Variants in DEPDC1B observed in about 807,000 individuals in gnomAD.
DEPDC1B encodes DEP domain-containing protein 1B.
In DEPDC1B, 51 loss-of-function variants were observed where a neutral mutation model predicts 66.5. That is an observed-to-expected ratio of 0.77 (90% CI 0.61 to 0.97). DEPDC1B has a LOEUF of 0.97. Ranked by LOEUF, DEPDC1B falls within the 50% of genes least tolerant of loss-of-function variation. The pLI is 0.00. For synonymous variants in DEPDC1B, 226 were observed against 223.6 expected (o/e 1.01, Z -0.10); for missense variants, 552 against 637.1 (o/e 0.87, Z 1.44).
At chr5:60,642,072 T>C (rs767609384) in intron 6 of DEPDC1B, among the ~76,000 whole-genome samples, 2 of 152,170 alleles carry the variant, frequency 1.3e-5, no homozygotes, top group South Asian at 2.1e-4. Flanking sequence ...GTTAAACCCA[T>C]GTTTTAGGGT....
intron 7 of DEPDC1B, among the ~76,000 whole-genome samples, chr5:60,616,231 G>A (rs551739757): frequency 1.3e-5 from 2 of 152,300 alleles, no homozygotes; most frequent in South Asian, 2.1e-4. Flanking sequence ...AAAAATCAGA[G>A]CACCTCTCCT....
intron 2 of DEPDC1B, among the ~76,000 whole-genome samples, chr5:60,672,549 T>C (rs1754065443): frequency 6.6e-6 from 1 of 152,204 alleles, no homozygotes; most frequent in African/African-American, 2.4e-5. Flanking sequence ...TCCTCCCCCA[T>C]GATCCAATCA....
chr5:60,617,665 G>A (rs148992818), intron 7 of DEPDC1B, among the ~76,000 whole-genome samples: 23 of 152,200 alleles, frequency 1.5e-4, no homozygotes, highest in African/African-American at 4.8e-4. Flanking sequence ...ACTAAGAGAC[G>A]TAGACTCCCA....
At chr5:60,688,008 AC>A (rs1196346909) in intron 1 of DEPDC1B, among the ~76,000 whole-genome samples, 1 of 152,138 alleles carries the variant, frequency 6.6e-6, no homozygotes, top group Admixed American at 6.5e-5. Flanking sequence ...AACTAAGCCC[AC>A]TGTGCAAACT....
intron 2 of DEPDC1B, among the ~76,000 whole-genome samples, chr5:60,685,791 A>C (rs1363190485): frequency 6.6e-6 from 1 of 152,212 alleles, no homozygotes; most frequent in Non-Finnish European, 1.5e-5. Flanking sequence ...GGCATGTAGA[A>C]TCAGGGCTAA....
intron 2 of DEPDC1B, among the ~76,000 whole-genome samples, chr5:60,678,335 T>C (rs968495115): frequency 6.6e-6 from 1 of 152,170 alleles, no homozygotes; most frequent in Non-Finnish European, 1.5e-5. Context: ...GGAAGAATGT[T>C]TAGGTTATTT....
chr5:60,610,303 T>C (rs1160619930), intron 7 of DEPDC1B, among the ~76,000 whole-genome samples: 1 of 152,206 alleles, frequency 6.6e-6, no homozygotes, highest in Non-Finnish European at 1.5e-5. Flanking sequence ...CAAATCAATG[T>C]ACTACACTGG....
chr5:60,627,425 A>T (rs1204367616), intron 7 of DEPDC1B, among the ~76,000 whole-genome samples: 2 of 152,044 alleles, frequency 1.3e-5, no homozygotes, highest in African/African-American at 4.8e-5. Flanking sequence ...GAAGGACATT[A>T]GCATTCTATC....
intron 2 of DEPDC1B, among the ~76,000 whole-genome samples, chr5:60,682,783 T>A (rs1244542356): frequency 6.6e-6 from 1 of 152,146 alleles, no homozygotes; most frequent in Non-Finnish European, 1.5e-5. Flanking sequence ...AGTAACAAGA[T>A]TGAATCACTA....
chr5:60,663,187 C>T lies in DEPDC1B; in HGVS notation c.315-15654G>A. On this transcript the variant is annotated intron_variant, in intron 2 of 10. Coordinates refer to ENST00000265036, the MANE Select transcript of DEPDC1B (RefSeq NM_018369.3). ...TCCTGAAGTCTGGGCAACAAAACGACAATATGGATGAGCAAACAATGCCCG... is the reference window on the plus strand; with the variant it reads ...TCCTGAAGTCTGGGCAACAAAACGATAATATGGATGAGCAAACAATGCCCG... 1.3e-5 allele frequency among the ~76,000 whole-genome samples: 2 copies of T among 152,100 alleles called. 1 individual carries two copies.
intron 2 of DEPDC1B, among the ~76,000 whole-genome samples, chr5:60,670,008 G>T (rs1753991480): frequency 1.3e-5 from 2 of 151,978 alleles, no homozygotes; most frequent in Admixed American, 1.3e-4. Context: ...CCTCACAATA[G>T]GTGGGGTGAA....
chr5:60,644,893 AT>A lies in DEPDC1B; in HGVS notation c.579-19del. On this transcript the variant is annotated intron_variant, in intron 4 of 10. Coordinates refer to ENST00000265036, the MANE Select transcript of DEPDC1B (RefSeq NM_018369.3). ...TCTGTAAGCTAAAAGATAAGTAATT[AT>A]ATTAATTAGTTCTGTCTTTAATATT... 6.4e-7 allele frequency: 1 copy of A among 1,558,000 alleles called. No homozygotes were observed. The highest frequency in any genetic ancestry group is 8.7e-7 in the Non-Finnish European group (1 of 1,143,742).
chr5:60,634,302 T>C (rs369623514), intron 7 of DEPDC1B, among the ~76,000 whole-genome samples: 2 of 152,342 alleles, frequency 1.3e-5, no homozygotes, highest in Admixed American at 1.3e-4. Flanking sequence ...CAGACTTCCT[T>C]TGCAACCACT....
At chr5:60,617,701 A>C (rs1752594055) in intron 7 of DEPDC1B, among the ~76,000 whole-genome samples, 1 of 152,140 alleles carries the variant, frequency 6.6e-6, no homozygotes, top group South Asian at 2.1e-4. Flanking sequence ...AGACTTCAAC[A>C]CCCCACTGTC....
chr5:60,647,262 C>T (rs1265377702), intron 3 of DEPDC1B, 136 bp downstream of exon 3: 1 of 1,039,816 alleles, frequency 9.6e-7, no homozygotes, highest in Non-Finnish European at 1.3e-6. Flanking sequence ...GGTCTCCCAG[C>T]TGTTGGCAGG....
At chr5:60,663,254 A>T (rs770662551) in intron 2 of DEPDC1B, among the ~76,000 whole-genome samples, 3 of 152,160 alleles carry the variant, frequency 2.0e-5, no homozygotes, top group Admixed American at 6.5e-5. Context: ...TCCGTTCCCT[A>T]CCAAAGGCAT....
At chr5:60,692,667 C>T (rs1754573511) in intron 1 of DEPDC1B, among the ~76,000 whole-genome samples, 1 of 152,062 alleles carries the variant, frequency 6.6e-6, no homozygotes, top group South Asian at 2.1e-4. Context: ...CAATTCTACT[C>T]CTAAGCATAT....
At chr5:60,693,159 A>G (rs1754583864) in intron 1 of DEPDC1B, among the ~76,000 whole-genome samples, 1 of 152,152 alleles carries the variant, frequency 6.6e-6, no homozygotes, top group South Asian at 2.1e-4. Flanking sequence ...ATGCCTAATT[A>G]ACACCTAAAA....
chr5:60,644,770 T>C lies in DEPDC1B; in HGVS notation c.684A>G (p.Gly228=). Residue 228 remains glycine (G), a synonymous_variant, in exon 5 of 11, where the codon GGA becomes GGG. Transcript: ENST00000265036. The part of the protein sequence containing the change: ...IHNVYSVSKQ[G]VVILDDKSKE... ...TTGACTTGTCATCAAGAATAACAAC[T>C]CCCTGCTTGCTAACACTATATACAT... 6.3e-7 allele frequency: 1 copy of C among 1,596,870 alleles called. No homozygotes were observed. Among genetic ancestry groups the C allele is most frequent in the Non-Finnish European group, 8.5e-7 (1 of 1,173,676 alleles).
Sources: allele counts gnomAD v4.1 joint callset (sites outside exome capture counted in the v4.1 genomes callset), GRCh38; gene constraint gnomAD v4.1.1; transcripts MANE v1.5; gene names NCBI Gene and HGNC (gene_info 2026-07-23, HGNC 2026-07-21).